The following BRAF variants were observed in gnomAD, a reference collection of about 807,000 sequenced individuals.
The protein encoded by BRAF is B-Raf proto-oncogene, serine/threonine kinase, also known as serine/threonine-protein kinase B-raf.
In BRAF, 16 loss-of-function variants were observed where a neutral mutation model predicts 104.6. The ratio of observed to expected loss-of-function variants is 0.15; its 90% confidence interval spans 0.10 to 0.23. The LOEUF (loss-of-function observed/expected upper bound fraction) is 0.23. Ranked by LOEUF, BRAF falls within the 10% of genes least tolerant of loss-of-function variation. BRAF has a pLI of 1.00. For synonymous variants in BRAF, 310 were observed against 341.6 expected, an observed-to-expected ratio of 0.91 and a Z score of 1.02; for missense variants, 541 against 937.3, an observed-to-expected ratio of 0.58 and a Z score of 5.52.
At chr7:140,751,369 AATCTGTTTTCCCTC>A (rs879830850) in intron 16 of BRAF, among the ~76,000 whole-genome samples, 3 of 152,142 alleles carry the variant, frequency 2.0e-5, no homozygotes, top group Non-Finnish European at 2.9e-5. Context: ...CAGCACTTAA[AATCTGTTTTCCCTC>A]ATCTTTTTAG....
intron 2 of BRAF, among the ~76,000 whole-genome samples, chr7:140,840,213 A>G (rs1807787930): frequency 1.3e-5 from 2 of 152,338 alleles, no homozygotes; most frequent in South Asian, 2.1e-4. Context: ...TGTTTTGGCT[A>G]TATAACTAAT....
Position 140,827,467 on chromosome 7 carries a change from A to G in BRAF, c.504+7142T>C, listed in dbSNP as rs569147396. Among the ~76,000 whole-genome samples, 9 of 152,310 alleles carry G rather than the reference A, an allele frequency of 5.9e-5. No individual in the cohort carries two copies. In the East Asian group the frequency reaches 1.2e-3, roughly 20 times the overall value. ...CCCACACAATGATGAGAATAGGTCCATAGTTAAAAAATCACAGGGGAAACT... is the reference window on the plus strand; with the variant it reads ...CCCACACAATGATGAGAATAGGTCCGTAGTTAAAAAATCACAGGGGAAACT... On this transcript the variant is annotated intron_variant, in intron 3 of 19. Coordinates refer to ENST00000644969, the MANE Select transcript of BRAF (RefSeq NM_001374258.1).
intron 17 of BRAF, among the ~76,000 whole-genome samples, chr7:140,741,899 G>A (rs1335684420): frequency 6.6e-6 from 1 of 151,926 alleles, no homozygotes; most frequent in East Asian, 1.9e-4. Flanking sequence ...AGAGGTTGCA[G>A]TGAGCCAAGA....
chr7:140,801,303 A>C lies in BRAF; in HGVS notation c.860+109T>G. On this transcript the variant is annotated intron_variant, in intron 6 of 19. Transcript: ENST00000644969. ...ACACTTAAAAAAAATTCTCTATAAC[A>C]ATCGTATGGAAGAAAAACCCTCACA... 2.3e-6 allele frequency: 3 copies of C among 1,280,414 alleles called. No homozygotes were observed. In the South Asian group the frequency reaches 4.0e-5, roughly 17 times the overall value. The allele number at this position is 1,280,414 out of a possible 1,614,324, so 79.3% of individuals were successfully genotyped here.
Position 140,720,523 on chromosome 7 carries a change from T to A in BRAF, c.*5971A>T, listed in dbSNP as rs1014971166. Reference sequence around the variant, plus strand: ...CAGCTATGGAACATACACAAATGTATTAGGAAGGAATGATTCTTAAAAAAA... The same window carrying A: ...CAGCTATGGAACATACACAAATGTAATAGGAAGGAATGATTCTTAAAAAAA... On this transcript the variant is annotated 3_prime_UTR_variant, in exon 20 of 20. Coordinates refer to ENST00000644969, the MANE Select transcript of BRAF (RefSeq NM_001374258.1). 3 of 1,064,786 alleles carry A rather than the reference T, an allele frequency of 2.8e-6. No individual in the cohort carries two copies. In the African/African-American group the frequency reaches 4.9e-5, roughly 17 times the overall value. 66.0% of individuals were successfully genotyped at this position (1,064,786 alleles called of 1,614,324 possible). A position where few individuals can be genotyped will look rare whatever the true frequency, so the allele number is the denominator to read the frequency against.
At chr7:140,917,311 T>C (rs756205076) in intron 1 of BRAF, among the ~76,000 whole-genome samples, 14 of 152,186 alleles carry the variant, frequency 9.2e-5, no homozygotes, top group Non-Finnish European at 2.1e-4. Flanking sequence ...TCTGCCCTCC[T>C]CAGCCTCCCA....
At chr7:140,901,687 A>T (rs1815656037) in intron 1 of BRAF, among the ~76,000 whole-genome samples, 1 of 152,080 alleles carries the variant, frequency 6.6e-6, no homozygotes, top group Non-Finnish European at 1.5e-5. Flanking sequence ...AGGTTTAATT[A>T]CTCTTCTTTA....
chr7:140,755,200 GTA>G (rs1338524212), intron 14 of BRAF, among the ~76,000 whole-genome samples: 4 of 152,156 alleles, frequency 2.6e-5, no homozygotes, highest in African/African-American at 7.2e-5. Flanking sequence ...TGTGTGGTAA[GTA>G]TTCAATACAT....
At chr7:140,743,022 C>G (rs2130917819) in intron 17 of BRAF, among the ~76,000 whole-genome samples, 1 of 152,238 alleles carries the variant, frequency 6.6e-6, no homozygotes, top group East Asian at 1.9e-4. Flanking sequence ...ACCATAACGA[C>G]ATATCATCTC....
At chr7:140,896,415 A>C (rs1339296029) in intron 1 of BRAF, among the ~76,000 whole-genome samples, 2 of 152,190 alleles carry the variant, frequency 1.3e-5, no homozygotes, top group African/African-American at 2.4e-5. Context: ...ATTATGTAGA[A>C]AACTATAAAC....
At chr7:140,861,820 C>T (rs1347127432) in intron 1 of BRAF, among the ~76,000 whole-genome samples, 2 of 152,056 alleles carry the variant, frequency 1.3e-5, no homozygotes, top group Non-Finnish European at 2.9e-5. Flanking sequence ...TTATATTATT[C>T]CCTACACTTT....
chr7:140,862,061 A>C (rs923900925), intron 1 of BRAF, among the ~76,000 whole-genome samples: 4 of 152,208 alleles, frequency 2.6e-5, no homozygotes, highest in Non-Finnish European at 5.9e-5. Flanking sequence ...TCCCATTTAG[A>C]AAAGAATCCT....
intron 1 of BRAF, among the ~76,000 whole-genome samples, chr7:140,907,983 GA>G (rs1428266065): frequency 6.6e-6 from 1 of 152,056 alleles, no homozygotes. Context: ...GACCTCAGGT[GA>G]TCCGCCTGCC....
chr7:140,721,892 A>C lies in BRAF; in HGVS notation c.*4602T>G, dbSNP rs1174130611. 1.6e-6 allele frequency: 2 copies of C among 1,255,322 alleles called. No individual in the cohort carries two copies. The highest frequency in any genetic ancestry group is 2.0e-6 in the Non-Finnish European group (2 of 1,002,162). The allele number at this position is 1,255,322 out of a possible 1,614,324, so 77.8% of individuals were successfully genotyped here. On this transcript the variant is annotated 3_prime_UTR_variant, in exon 20 of 20. Transcript: ENST00000644969. ...ACTAACGCAGTCCAGCTTCATGTGC[A>C]ATCAAGTCCCGGGAAGAAATTTACA...
chr7:140,906,211 A>AT (rs1293786620), intron 1 of BRAF, among the ~76,000 whole-genome samples: 1 of 147,036 alleles, frequency 6.8e-6, no homozygotes, highest in Admixed American at 6.8e-5. Context: ...CCTGTCATAT[A>AT]TTTTTTTTGA....
downstream of BRAF, among the ~76,000 whole-genome samples, chr7:140,716,560 C>T (rs1038534402): frequency 6.6e-6 from 1 of 152,162 alleles, no homozygotes; most frequent in Non-Finnish European, 1.5e-5. Context: ...CCACCCCTCC[C>T]GTCAAAAATA....
intron 16 of BRAF, among the ~76,000 whole-genome samples, chr7:140,751,237 G>A (rs754733073): frequency 2.6e-5 from 4 of 152,068 alleles, no homozygotes; most frequent in Non-Finnish European, 4.4e-5. Flanking sequence ...TATAAACTAA[G>A]GTTTTTGAAA....
chr7:140,716,227 C>T (rs1459882123), downstream of BRAF, among the ~76,000 whole-genome samples: 1 of 152,148 alleles, frequency 6.6e-6, no homozygotes, highest in Non-Finnish European at 1.5e-5. Context: ...TGTAATGCTT[C>T]CAGAACTCAG....
chr7:140,898,511 C>G (rs1815218419), intron 1 of BRAF, among the ~76,000 whole-genome samples: 1 of 152,170 alleles, frequency 6.6e-6, no homozygotes, highest in African/African-American at 2.4e-5. Flanking sequence ...AAAACATACT[C>G]AACCTCACTA....
Sources: allele counts gnomAD v4.1 joint callset (sites outside exome capture counted in the v4.1 genomes callset), GRCh38; gene constraint gnomAD v4.1.1; transcripts MANE v1.5; gene names NCBI Gene and HGNC (gene_info 2026-07-23, HGNC 2026-07-21).